The following MS4A14 variants were observed in gnomAD, a reference collection of about 807,000 sequenced individuals.
MS4A14 encodes membrane-spanning 4-domains subfamily A member 14.
MS4A14 carries 18 observed loss-of-function variants against 16.7 expected under a neutral mutation model. The observed-to-expected ratio is 1.08, with a 90% CI of 0.75 to 1.60. MS4A14 has a LOEUF of 1.60. Ranked by LOEUF, MS4A14 falls within the 40% of genes most tolerant of loss-of-function variation. The pLI is 0.00. For synonymous variants in MS4A14, 305 were observed against 289.4 expected, an observed-to-expected ratio of 1.05 and a Z score of -0.55; for missense variants, 812 against 775.3, an observed-to-expected ratio of 1.05 and a Z score of -0.56.
chr11:60,402,557 G>A (rs1380186526), intron 3 of MS4A14, among the ~76,000 whole-genome samples: 2 of 152,222 alleles, frequency 1.3e-5, no homozygotes, highest in African/African-American at 4.8e-5. Context: ...TAAGGTCCTA[G>A]TGAAACTTGG....
At chr11:60,398,674 C>G (rs7940630) in intron 2 of MS4A14, among the ~76,000 whole-genome samples, 1,829 of 152,104 alleles carry the variant, frequency 0.012, 51 homozygotes, top group African/African-American at 0.041. Flanking sequence ...ACGAATGAAT[C>G]AATCAATCAA....
intron 4 of MS4A14, among the ~76,000 whole-genome samples, chr11:60,405,616 G>A (rs2085775865): frequency 6.6e-6 from 1 of 152,164 alleles, no homozygotes; most frequent in South Asian, 2.1e-4. Context: ...GGCTGGAATT[G>A]AGTAATGGAT....
At chr11:60,409,191 C>T (rs1239023162) in intron 4 of MS4A14, among the ~76,000 whole-genome samples, 1 of 152,148 alleles carries the variant, frequency 6.6e-6, no homozygotes, top group Admixed American at 6.5e-5. Context: ...GAAATATACA[C>T]TACGTTGTAA....
intron 4 of MS4A14, among the ~76,000 whole-genome samples, chr11:60,408,773 A>T (rs1423358447): frequency 2.6e-5 from 4 of 152,144 alleles, no homozygotes; most frequent in Admixed American, 2.0e-4. Flanking sequence ...ATTGGTGTAA[A>T]AATATCTGCT....
intron 4 of MS4A14, among the ~76,000 whole-genome samples, chr11:60,410,850 T>C: frequency 6.6e-6 from 1 of 152,050 alleles, no homozygotes; most frequent in African/African-American, 2.4e-5. Flanking sequence ...TTTGTTTGTT[T>C]TTTGTTTTTT....
intron 4 of MS4A14, among the ~76,000 whole-genome samples, chr11:60,413,092 T>C (rs1371145136): frequency 6.6e-6 from 1 of 151,958 alleles, no homozygotes. Flanking sequence ...AATTATTTCA[T>C]TTTTTCTTGA....
At chr11:60,397,496 AC>A (rs1162367973) in intron 1 of MS4A14, among the ~76,000 whole-genome samples, 1 of 152,226 alleles carries the variant, frequency 6.6e-6, no homozygotes, top group Non-Finnish European at 1.5e-5. Context: ...AGACGAAAAA[AC>A]AAATGTAAAG....
In MS4A14 at chr11:60,401,481, C is replaced by T. The variant is rs145475054; in HGVS notation, c.318+1027C>T. On this transcript the variant is annotated intron_variant, in intron 3 of 4. Coordinates refer to ENST00000300187, the MANE Select transcript of MS4A14 (RefSeq NM_032597.5). ...AAACCTACTCCTGACTCACTGAGAG[C>T]TATGCAGATGGAGGTGTGCAGGAAT... 5.3e-5 allele frequency among the ~76,000 whole-genome samples: 8 copies of T among 152,288 alleles called. No homozygotes were observed. In the East Asian group the frequency reaches 1.5e-3, roughly 29 times the overall value.
At chr11:60,414,997 A>G (rs912638430) in intron 4 of MS4A14, among the ~76,000 whole-genome samples, 1 of 152,096 alleles carries the variant, frequency 6.6e-6, no homozygotes, top group East Asian at 1.9e-4. Context: ...TTGTATTACT[A>G]TTATCTATTT....
Position 60,417,067 on chromosome 11 carries a change from C to G in MS4A14, c.*59C>G. On this transcript the variant is annotated 3_prime_UTR_variant, in exon 5 of 5. Transcript: ENST00000300187. The stretch of plus-strand genomic sequence containing the variant: ...GAGAATGGCAATTTGAAATGAAGCA[C>G]TGGCAAACACAGGATCTATTAGAGA... 1 of 1,549,140 alleles carries G rather than the reference C, an allele frequency of 6.5e-7. No homozygotes were observed. Among genetic ancestry groups the G allele is most frequent in the Non-Finnish European group, 8.7e-7 (1 of 1,151,942 alleles).
chr11:60,398,012 AT>A (rs2085655423), intron 2 of MS4A14, 32 bp downstream of exon 2: 1 of 1,607,108 alleles, frequency 6.2e-7, no homozygotes, highest in Admixed American at 1.7e-5. Context: ...CTTTGGAGAA[AT>A]TGCTATAAAG....
Position 60,402,994 on chromosome 11 carries a change from A to C in MS4A14, c.401A>C (p.His134Pro). Residue 134 changes from histidine (H) to proline (P), a missense_variant, in exon 4 of 5, where the codon CAT becomes CCT. Transcript: ENST00000300187. Reference sequence around the variant, plus strand: ...ACTTTCACCATTCTCAGCTACAGACATCAAGACAAGTACTGCCAGATGCCA... The same window carrying C: ...ACTTTCACCATTCTCAGCTACAGACCTCAAGACAAGTACTGCCAGATGCCA... ...GITFTILSYR[H>P]QDKYCQMPSF... is the part of the protein sequence containing the mutation. The C allele has an allele frequency of 6.2e-7, 1 of 1,613,914 alleles. No homozygotes were observed.
intron 4 of MS4A14, among the ~76,000 whole-genome samples, chr11:60,409,115 A>G (rs1289189083): frequency 6.6e-6 from 1 of 152,224 alleles, no homozygotes; most frequent in African/African-American, 2.4e-5. Flanking sequence ...TAATTACCAC[A>G]TTCATCACTT....
At position 60,396,464 on chromosome 11, in the gene MS4A14, C is replaced by A; in HGVS notation, c.-115C>A. ...CTGAGATTCTACTACTGAGTAGAGT[C>A]ATCACTAAGGGCTCATCTCTGAGGG... On this transcript the variant is annotated 5_prime_UTR_variant, in exon 1 of 5. Transcript: ENST00000300187. 2 of 1,135,148 alleles carry A rather than the reference C, an allele frequency of 1.8e-6. No homozygotes were observed. The highest frequency in any genetic ancestry group is 2.5e-6 in the Non-Finnish European group (2 of 809,310). The allele number at this position is 1,135,148 out of a possible 1,614,324, so 70.3% of individuals were successfully genotyped here.
At chr11:60,401,877 A>C (rs892883732) in intron 3 of MS4A14, among the ~76,000 whole-genome samples, 2 of 152,208 alleles carry the variant, frequency 1.3e-5, no homozygotes, top group East Asian at 3.8e-4. Flanking sequence ...TTTGCAATAA[A>C]AACCTGGGAT....
chr11:60,407,458 G>A (rs539847100), intron 4 of MS4A14, among the ~76,000 whole-genome samples: 33 of 152,274 alleles, frequency 2.2e-4, no homozygotes, highest in East Asian at 9.6e-4. Context: ...ATTTGATTGC[G>A]AGATCGTATG....
intron 4 of MS4A14, among the ~76,000 whole-genome samples, chr11:60,403,760 G>A (rs765630347): frequency 3.9e-5 from 6 of 152,096 alleles, no homozygotes; most frequent in Non-Finnish European, 8.8e-5. Flanking sequence ...AAGTCCTGGG[G>A]TTTTATTTTA....
intron 4 of MS4A14, chr11:60,406,068 T>G: frequency 1.1e-6 from 1 of 895,292 alleles, no homozygotes; most frequent in Non-Finnish European, 1.6e-6. Context: ...GATGTCTGAT[T>G]TATTAGTAGG....
rs142235413 is a variant in MS4A14 at position 60,416,573 on chromosome 11, G to A, written c.1605G>A (p.Gln535=). ...WQSPKQKSLD[Q]QIKDWLSPKR... ...CTCCAAAGCAGAAATCCTTAGACCA[G>A]CAAATCAAAGACTGGCTATCCCCAA... The change falls in exon 5 of 5, where the codon CAG becomes CAA. Residue 535 remains glutamine (Q), a synonymous_variant. Transcript: ENST00000300187. 1.5e-4 allele frequency: 248 copies of A among 1,613,786 alleles called. No individual in the cohort carries two copies. The highest frequency in any genetic ancestry group is 2.0e-4 in the Non-Finnish European group (238 of 1,179,896).
Sources: allele counts gnomAD v4.1 joint callset (sites outside exome capture counted in the v4.1 genomes callset), GRCh38; gene constraint gnomAD v4.1.1; transcripts MANE v1.5; gene names NCBI Gene and HGNC (gene_info 2026-07-23, HGNC 2026-07-21).